RBFOX1: variants seen among roughly 807,000 people sequenced by gnomAD.
RBFOX1 encodes RNA binding protein fox-1 homolog 1.
In RBFOX1, 8 loss-of-function variants were observed where a neutral mutation model predicts 57.7. The ratio of observed to expected loss-of-function variants is 0.14; its 90% CI spans 0.08 to 0.25. The LOEUF (loss-of-function observed/expected upper bound fraction) is 0.25. Ranked by LOEUF, RBFOX1 falls within the 10% of genes least tolerant of loss-of-function variation. The probability of loss-of-function intolerance (pLI) is 1.00; values close to 1 mark genes in which losing one functional copy is unlikely to be tolerated. For missense variants in RBFOX1, 611 were observed against 548.5 expected (o/e 1.11, Z -1.14); for synonymous variants, 326 against 222.4 (o/e 1.47, Z -4.15).
At chr16:6,407,979 G>T (rs1221572934) in intron 2 of RBFOX1, among the ~76,000 whole-genome samples, 1 of 152,082 alleles carries the variant, frequency 6.6e-6, no homozygotes. Context: ...GGCCATGAGG[G>T]TAGACCTCTC....
At chr16:6,167,804 A>C (rs2096928738) in intron 1 of RBFOX1, among the ~76,000 whole-genome samples, 2 of 152,074 alleles carry the variant, frequency 1.3e-5, no homozygotes. Context: ...AGGCCAGAAG[A>C]TGTAGGGTGC....
At chr16:5,510,230 T>A (rs772186585) in intron 2 of RBFOX1, among the ~76,000 whole-genome samples, 8 of 152,206 alleles carry the variant, frequency 5.3e-5, no homozygotes, top group African/African-American at 9.6e-5. Context: ...ATCCCAGACC[T>A]CAGTGGCTTC....
At chr16:7,385,164 A>G (rs7202208) in intron 4 of RBFOX1, among the ~76,000 whole-genome samples, 13,355 of 152,284 alleles carry the variant, frequency 0.088, 635 homozygotes, top group East Asian at 0.19. Context: ...GTTAACCACG[A>G]TAATGAATAT....
intron 4 of RBFOX1, among the ~76,000 whole-genome samples, chr16:7,456,895 TTC>T (rs2058625475): frequency 1.5e-5 from 2 of 130,104 alleles, no homozygotes; most frequent in African/African-American, 2.5e-5. Context: ...TGTACTTTTT[TTC>T]TTTTTTTTTT....
At chr16:7,303,529 C>T (rs1299004550) in intron 4 of RBFOX1, among the ~76,000 whole-genome samples, 1 of 152,026 alleles carries the variant, frequency 6.6e-6, no homozygotes, top group Non-Finnish European at 1.5e-5. Context: ...AGGGTTTTAG[C>T]AGACCGAATT....
chr16:5,617,857 C>A (rs757831730), intron 3 of RBFOX1, among the ~76,000 whole-genome samples: 1 of 152,154 alleles, frequency 6.6e-6, no homozygotes, highest in South Asian at 2.1e-4. Flanking sequence ...TTCCCCTAGG[C>A]AGCATTTCCG....
intron 4 of RBFOX1, among the ~76,000 whole-genome samples, chr16:5,882,299 A>G (rs1275584359): frequency 1.3e-5 from 2 of 152,178 alleles, no homozygotes; most frequent in East Asian, 3.9e-4. Context: ...CACCTTAAGA[A>G]ACTTGTCTTA....
intron 3 of RBFOX1, among the ~76,000 whole-genome samples, chr16:6,994,942 A>ATT (rs972956338): frequency 6.4e-5 from 8 of 125,638 alleles, no homozygotes; most frequent in Non-Finnish European, 1.2e-4. Flanking sequence ...TTCTTGCATT[A>ATT]TTTTGTGTGT....
At chr16:5,542,858 C>G (rs973333118) in intron 2 of RBFOX1, among the ~76,000 whole-genome samples, 5 of 152,168 alleles carry the variant, frequency 3.3e-5, no homozygotes, top group Non-Finnish European at 7.3e-5. Flanking sequence ...ATGACCCGTT[C>G]CAGGGAACAT....
At chr16:5,498,371 TGAACTCAA>T (rs1485374724) in intron 2 of RBFOX1, among the ~76,000 whole-genome samples, 1 of 152,200 alleles carries the variant, frequency 6.6e-6, no homozygotes, top group Non-Finnish European at 1.5e-5. Flanking sequence ...CTCAACCTCC[TGAACTCAA>T]GTTATCTACA....
chr16:6,562,880 C>CTCTCTTT (rs2097200785), intron 2 of RBFOX1, among the ~76,000 whole-genome samples: 1 of 51,778 alleles, frequency 1.9e-5, no homozygotes, highest in African/African-American at 5.8e-5. Flanking sequence ...TTCTTTCTTT[C>CTCTCTTT]TTTTTTTTTT....
At chr16:5,350,563 T>C (rs1380663247) in intron 1 of RBFOX1, among the ~76,000 whole-genome samples, 1 of 152,118 alleles carries the variant, frequency 6.6e-6, no homozygotes, top group Admixed American at 6.5e-5. Flanking sequence ...GCCTCAGTCC[T>C]CCTTTAAAAT....
Position 7,288,725 on chromosome 16 carries a change from C to T in RBFOX1, c.28-229422C>T, listed in dbSNP as rs192431085. On this transcript the variant is annotated intron_variant, in intron 4 of 15. Coordinates refer to ENST00000550418, the MANE Select transcript of RBFOX1 (RefSeq NM_018723.4). ...GCATGATGGCACATGCCAATAATCC[C>T]GGCTACATTGGAGGCTGAGGCAGGA... Among the ~76,000 whole-genome samples, 293 of 152,292 alleles carry T rather than the reference C, an allele frequency of 1.9e-3. 1 individual carries two copies. Among genetic ancestry groups the T allele is most frequent in the Middle Eastern group, 3.4e-3 (1 of 294 alleles).
intron 1 of RBFOX1, among the ~76,000 whole-genome samples, chr16:5,464,296 T>C (rs1036626645): frequency 6.6e-6 from 1 of 152,152 alleles, no homozygotes; most frequent in East Asian, 1.9e-4. Context: ...GGGGTAGACA[T>C]TGGGGTCCAG....
At chr16:6,535,485 G>C (rs1189657259) in intron 2 of RBFOX1, among the ~76,000 whole-genome samples, 3 of 152,176 alleles carry the variant, frequency 2.0e-5, no homozygotes, top group Non-Finnish European at 4.4e-5. Context: ...CATCAGCTTA[G>C]TGTTTTCACT....
intron 3 of RBFOX1, among the ~76,000 whole-genome samples, chr16:7,037,961 C>G (rs1473348190): frequency 6.6e-6 from 1 of 152,096 alleles, no homozygotes; most frequent in Non-Finnish European, 1.5e-5. Flanking sequence ...TATTAGAGCT[C>G]TGTAATATCC....
Position 5,859,652 on chromosome 16 carries a change from C to T in RBFOX1, c.319-7651C>T, listed in dbSNP as rs145605419. 9.4e-4 allele frequency among the ~76,000 whole-genome samples: 143 copies of T among 152,258 alleles called. 1 individual carries two copies. The highest frequency in any genetic ancestry group is 4.0e-3 in the Admixed American group (61 of 15,298). On this transcript the variant is annotated intron_variant, in intron 3 of 19. Transcript: ENST00000641259. ...TTGTGACAGGGAGGATAAAACTCTG[C>T]CTACCATTGGCCAGCAACCATGCCA...
At chr16:5,459,543 A>G (rs554085750) in intron 1 of RBFOX1, among the ~76,000 whole-genome samples, 1 of 152,150 alleles carries the variant, frequency 6.6e-6, no homozygotes, top group African/African-American at 2.4e-5. Flanking sequence ...GCCATCTCAA[A>G]TGCCGCATGT....
At chr16:5,757,016 T>A (rs1309711388) in intron 3 of RBFOX1, among the ~76,000 whole-genome samples, 3 of 152,180 alleles carry the variant, frequency 2.0e-5, no homozygotes, top group African/African-American at 7.2e-5. Flanking sequence ...TTACTAATGA[T>A]TTAATTCAGA....
Sources: allele counts gnomAD v4.1 joint callset (sites outside exome capture counted in the v4.1 genomes callset), GRCh38; gene constraint gnomAD v4.1.1; transcripts MANE v1.5; gene names NCBI Gene and HGNC (gene_info 2026-07-23, HGNC 2026-07-21).